Variants in PARD3 observed in about 807,000 individuals in gnomAD.
PARD3 encodes par-3 family cell polarity regulator.
A neutral mutation model predicts 155.4 loss-of-function variants in PARD3; 75 were observed. The ratio of observed to expected loss-of-function variants is 0.48; its 90% CI spans 0.40 to 0.58. The LOEUF (loss-of-function observed/expected upper bound fraction) is 0.58, where lower values mean the gene tolerates loss of function less well. Ranked by LOEUF, PARD3 falls within the 20% of genes least tolerant of loss-of-function variation. PARD3 has a pLI of 0.00. For synonymous variants in PARD3, 576 were observed against 610.5 expected (o/e 0.94, Z 0.83); for missense variants, 1,642 against 1,721.7 (o/e 0.95, Z 0.82).
intron 20 of PARD3, among the ~76,000 whole-genome samples, chr10:34,300,768 C>T (rs191909315): frequency 5.9e-5 from 9 of 152,288 alleles, no homozygotes; most frequent in Admixed American, 5.9e-4. Flanking sequence ...TTTAGAGTAG[C>T]TAATGCCACG....
intron 24 of PARD3, among the ~76,000 whole-genome samples, chr10:34,118,528 T>C (rs1030892875): frequency 6.6e-6 from 1 of 152,100 alleles, no homozygotes; most frequent in Non-Finnish European, 1.5e-5. Context: ...TATTTTTTTA[T>C]GGAGATAGTG....
intron 22 of PARD3, among the ~76,000 whole-genome samples, chr10:34,181,902 T>C (rs1301227357): frequency 6.6e-6 from 1 of 152,032 alleles, no homozygotes; most frequent in Non-Finnish European, 1.5e-5. Context: ...AGGGTAAGGA[T>C]AGAGGGAAAA....
At chr10:34,531,087 AG>A (rs1564815050) in intron 2 of PARD3, among the ~76,000 whole-genome samples, 1 of 152,182 alleles carries the variant, frequency 6.6e-6, no homozygotes, top group Admixed American at 6.5e-5. Flanking sequence ...TTCAAGGCTC[AG>A]GGGTTAGCAG....
intron 21 of PARD3, among the ~76,000 whole-genome samples, chr10:34,278,718 G>A (rs1168426913): frequency 1.2e-4 from 18 of 152,146 alleles, no homozygotes; most frequent in Non-Finnish European, 5.9e-5. Context: ...CCTTAGCCCT[G>A]TGGAACTGAG....
intron 2 of PARD3, among the ~76,000 whole-genome samples, chr10:34,528,639 T>C (rs1157252656): frequency 1.3e-5 from 2 of 152,192 alleles, no homozygotes; most frequent in Non-Finnish European, 1.5e-5. Flanking sequence ...ATGTTACTAA[T>C]ATTTGAGAAA....
intron 20 of PARD3, among the ~76,000 whole-genome samples, chr10:34,302,168 A>G (rs2165413): frequency 0.54 from 82,307 of 151,914 alleles, 22,528 homozygotes; most frequent in African/African-American, 0.63. Flanking sequence ...ACCCTCGCAA[A>G]CCGAGAGGAT....
chr10:34,364,399 T>C (rs1459030038), intron 12 of PARD3, among the ~76,000 whole-genome samples: 1 of 152,118 alleles, frequency 6.6e-6, no homozygotes, highest in Admixed American at 6.5e-5. Flanking sequence ...CATTAATTTC[T>C]CTCTCTCAAG....
At chr10:34,689,253 T>C (rs2094005333) in intron 2 of PARD3, among the ~76,000 whole-genome samples, 1 of 152,230 alleles carries the variant, frequency 6.6e-6, no homozygotes, top group South Asian at 2.1e-4. Context: ...CAGGATCGAA[T>C]GTCAGAGCCA....
chr10:34,617,236 G>A (rs543723056), intron 2 of PARD3, among the ~76,000 whole-genome samples: 168 of 151,928 alleles, frequency 1.1e-3, no homozygotes, highest in African/African-American at 3.7e-3. Flanking sequence ...CAGCCTGGGC[G>A]ACAGAGCAAG....
intron 1 of PARD3, among the ~76,000 whole-genome samples, chr10:34,702,081 C>T (rs1263618832): frequency 2.0e-5 from 3 of 152,138 alleles, no homozygotes; most frequent in South Asian, 4.2e-4. Flanking sequence ...AGGAGAATCG[C>T]TTGAACCCGG....
chr10:34,282,297 G>A (rs1470417824), intron 21 of PARD3, among the ~76,000 whole-genome samples: 1 of 152,048 alleles, frequency 6.6e-6, no homozygotes, highest in Non-Finnish European at 1.5e-5. Context: ...CCTTGACCCT[G>A]AAAGATTTTT....
At chr10:34,814,827 C>A (rs1351566083) in intron 1 of PARD3, 49 bp downstream of exon 1, 5 of 1,257,802 alleles carry the variant, frequency 4.0e-6, no homozygotes, top group South Asian at 2.7e-5. Context: ...TTGATCCCGG[C>A]GCCGTCCCCG....
intron 2 of PARD3, among the ~76,000 whole-genome samples, chr10:34,636,169 G>T (rs545136516): frequency 1.1e-4 from 17 of 152,160 alleles, no homozygotes; most frequent in Non-Finnish European, 2.4e-4. Context: ...CTGAAGGATA[G>T]ATTTACGCAT....
intron 22 of PARD3, among the ~76,000 whole-genome samples, chr10:34,205,474 ACTC>A (rs1951427655): frequency 1.3e-5 from 2 of 152,144 alleles, no homozygotes; most frequent in Admixed American, 1.3e-4. Context: ...TAAGAAAAAC[ACTC>A]CTCTGTTCAC....
At chr10:34,160,570 A>C (rs1433471580) in intron 22 of PARD3, among the ~76,000 whole-genome samples, 1 of 152,262 alleles carries the variant, frequency 6.6e-6, no homozygotes, top group Admixed American at 6.5e-5. Flanking sequence ...TGCAAGTCAC[A>C]CTACATTTTA....
chr10:34,474,904 A>G (rs1164127091), intron 3 of PARD3, among the ~76,000 whole-genome samples: 2 of 152,264 alleles, frequency 1.3e-5, no homozygotes, highest in Admixed American at 1.3e-4. Flanking sequence ...AAGAAACGTT[A>G]CATTAGCCAT....
intron 1 of PARD3, among the ~76,000 whole-genome samples, chr10:34,797,436 G>GCGA (rs1428316392): frequency 1.3e-5 from 2 of 152,204 alleles, no homozygotes; most frequent in Non-Finnish European, 2.9e-5. Flanking sequence ...ACAGGCGTGA[G>GCGA]GCACCGCACC....
intron 22 of PARD3, among the ~76,000 whole-genome samples, chr10:34,166,581 A>G (rs1402617912): frequency 6.6e-6 from 1 of 151,720 alleles, no homozygotes; most frequent in African/African-American, 2.4e-5. Context: ...GTGAACCATG[A>G]CCATGCCGCT....
At chr10:34,267,094 T>C (rs1354854919) in intron 22 of PARD3, among the ~76,000 whole-genome samples, 1 of 150,752 alleles carries the variant, frequency 6.6e-6, no homozygotes, top group Non-Finnish European at 1.5e-5. Context: ...TGAGTGCTTT[T>C]ATCAACGATC....
Sources: allele counts gnomAD v4.1 joint callset (sites outside exome capture counted in the v4.1 genomes callset), GRCh38; gene constraint gnomAD v4.1.1; transcripts MANE v1.5; gene names NCBI Gene and HGNC (gene_info 2026-07-23, HGNC 2026-07-21).